The following LINGO1 variants were observed in gnomAD, a reference collection of about 807,000 sequenced individuals.
The protein encoded by LINGO1 is leucine rich repeat and Ig domain containing 1, also known as leucine-rich repeat and immunoglobulin-like domain-containing nogo receptor-interacting protein 1.
LINGO1 carries 11 observed loss-of-function variants against 37.3 expected under a neutral mutation model. The ratio of observed to expected loss-of-function variants is 0.29; its 90% CI spans 0.19 to 0.49. The LOEUF (loss-of-function observed/expected upper bound fraction) is 0.49. LINGO1 is among the 20% of genes least tolerant of loss of function. The probability of loss-of-function intolerance (pLI) is 0.99; values close to 1 mark genes in which losing one functional copy is unlikely to be tolerated. For synonymous variants in LINGO1, 387 were observed against 403.0 expected, an observed-to-expected ratio of 0.96 and a Z score of 0.48; for missense variants, 585 against 878.2, an observed-to-expected ratio of 0.67 and a Z score of 4.22.
chr15:77,771,202 T>A (rs2076581566), intron 1 of LINGO1, among the ~76,000 whole-genome samples: 1 of 152,190 alleles, frequency 6.6e-6, no homozygotes, highest in Admixed American at 6.5e-5. Context: ...TTCTAAGATA[T>A]CATGATCCTG....
chr15:77,796,501 A>AAG (rs1433807871), intron 1 of LINGO1, among the ~76,000 whole-genome samples: 1 of 152,156 alleles, frequency 6.6e-6, no homozygotes, highest in South Asian at 2.1e-4. Flanking sequence ...CTGGGAAGAT[A>AAG]AGAGAGAGAG....
chr15:77,640,047 A>C (rs545238186), intron 3 of LINGO1, among the ~76,000 whole-genome samples: 2 of 152,310 alleles, frequency 1.3e-5, no homozygotes, highest in African/African-American at 4.8e-5. Context: ...AGGCACACAG[A>C]ATCCAGGGAG....
chr15:77,793,726 G>C (rs904651499), intron 2 of LINGO1, among the ~76,000 whole-genome samples: 4 of 152,166 alleles, frequency 2.6e-5, no homozygotes, highest in African/African-American at 7.2e-5. Flanking sequence ...TTATAGAAGA[G>C]TATTTAATGA....
intron 3 of LINGO1, among the ~76,000 whole-genome samples, chr15:77,646,798 G>A (rs1341658786): frequency 6.6e-6 from 1 of 152,174 alleles, no homozygotes; most frequent in Admixed American, 6.5e-5. Context: ...CTTCTCAACT[G>A]TGCCCAGAAA....
intron 1 of LINGO1, among the ~76,000 whole-genome samples, chr15:77,776,958 C>T (rs1336517078): frequency 3.3e-5 from 5 of 152,216 alleles, no homozygotes; most frequent in African/African-American, 1.2e-4. Flanking sequence ...GCAGGCTAGA[C>T]CCAGAGCCTG....
intron 1 of LINGO1, among the ~76,000 whole-genome samples, chr15:77,758,837 A>G (rs565481477): frequency 6.8e-6 from 1 of 147,386 alleles, no homozygotes; most frequent in South Asian, 2.4e-4. Context: ...TGAGAGGATC[A>G]CCATTGTCGA....
intron 3 of LINGO1, among the ~76,000 whole-genome samples, chr15:77,656,504 C>T (rs958837690): frequency 1.3e-5 from 2 of 152,222 alleles, no homozygotes; most frequent in Non-Finnish European, 2.9e-5. Flanking sequence ...CCCGCAGCCG[C>T]CCTGCGCCCA....
chr15:77,627,258 TTTAACCAGCTCCAGGGGCCCAG>T (rs1434382072), intron 1 of LINGO1, among the ~76,000 whole-genome samples: 1 of 152,112 alleles, frequency 6.6e-6, no homozygotes, highest in Non-Finnish European at 1.5e-5. Context: ...GGTGCTCGTC[TTTAACCAGCTCCAGGGGCCCAG>T]GCCCAGGCAG....
intron 1 of LINGO1, among the ~76,000 whole-genome samples, chr15:77,817,071 C>A (rs374136687): frequency 6.6e-6 from 1 of 152,198 alleles, no homozygotes; most frequent in African/African-American, 2.4e-5. Context: ...GAGAGGCCGC[C>A]CGGGACGGGG....
In LINGO1 at chr15:77,652,521, TG is replaced by T. The variant is rs1237781769; in HGVS notation, c.-13+24567del. 9.8e-4 allele frequency among the ~76,000 whole-genome samples: 148 copies of T among 151,138 alleles called. 3 individuals are homozygous for T. The highest frequency in any genetic ancestry group is 3.4e-3 in the African/African-American group (140 of 41,114). ...GTGTGTGTGTGTGTGTGTGTGTGTG[TG>T]TGTGTGTGTTGCCAGAATACGGAAA... is the stretch of plus-strand genomic sequence containing the variant. On this transcript the variant is annotated intron_variant, in intron 3 of 3. Transcript: ENST00000559893.
intron 1 of LINGO1, among the ~76,000 whole-genome samples, chr15:77,806,060 T>C (rs1039329639): frequency 6.6e-6 from 1 of 152,074 alleles, no homozygotes; most frequent in Non-Finnish European, 1.5e-5. Flanking sequence ...CTATGGACTG[T>C]GAGTCCATCC....
chr15:77,621,581 G>GA (rs1189707322), intron 1 of LINGO1, among the ~76,000 whole-genome samples: 1 of 152,310 alleles, frequency 6.6e-6, no homozygotes, highest in African/African-American at 2.4e-5. Flanking sequence ...CCAGGGGAGG[G>GA]GCTGTCCTGT....
intron 1 of LINGO1, among the ~76,000 whole-genome samples, chr15:77,799,981 C>G (rs768159537): frequency 6.6e-6 from 1 of 152,020 alleles, no homozygotes; most frequent in Non-Finnish European, 1.5e-5. Flanking sequence ...CAGGTGGACT[C>G]CAGGAAGCTC....
rs1365809125 is a variant in LINGO1 at position 77,615,334 on chromosome 15, G to A, written c.573C>T (p.Asn191=). 1 of 1,613,778 alleles carries A rather than the reference G, an allele frequency of 6.2e-7. No individual in the cohort carries two copies. The highest frequency in any genetic ancestry group is 8.5e-7 in the Non-Finnish European group (1 of 1,179,900). ...TCTCCAGCGTCAGCTGCTCCAGGCT[G>A]TTGAGGCCGCTGAAGGCGCGGTGAG... ...YISHRAFSGL[N]SLEQLTLEKC... is the part of the protein sequence containing the mutation. The change falls in exon 2 of 2, where the codon AAC becomes AAT. Residue 191 remains asparagine, a synonymous_variant. Transcript: ENST00000355300.
chr15:77,621,879 C>G (rs1329732128), intron 1 of LINGO1, among the ~76,000 whole-genome samples: 2 of 152,192 alleles, frequency 1.3e-5, no homozygotes, highest in African/African-American at 2.4e-5. Flanking sequence ...TGCTCCCACT[C>G]AGCGTTCCTC....
chr15:77,762,415 T>C (rs1394725996), intron 1 of LINGO1, among the ~76,000 whole-genome samples: 4 of 152,058 alleles, frequency 2.6e-5, no homozygotes, highest in African/African-American at 7.2e-5. Context: ...CCTGACCACC[T>C]TCTTCCCTGG....
At chr15:77,676,665 G>A (rs575260777) in intron 3 of LINGO1, among the ~76,000 whole-genome samples, 75 of 152,302 alleles carry the variant, frequency 4.9e-4, no homozygotes, top group Middle Eastern at 3.4e-3. Context: ...GGGCAGCGGC[G>A]GTGAAAAGGC....
intron 1 of LINGO1, among the ~76,000 whole-genome samples, chr15:77,749,402 C>CTTAAT (rs2076348992): frequency 6.6e-6 from 1 of 152,234 alleles, no homozygotes; most frequent in African/African-American, 2.4e-5. Context: ...ATCTCCAGGC[C>CTTAAT]TTAAACCTGC....
At chr15:77,775,069 G>C (rs1478327477) in intron 1 of LINGO1, among the ~76,000 whole-genome samples, 1 of 152,244 alleles carries the variant, frequency 6.6e-6, no homozygotes, top group Non-Finnish European at 1.5e-5. Flanking sequence ...CCACAGGCCT[G>C]ATGCTCAGAC....
Sources: allele counts gnomAD v4.1 joint callset (sites outside exome capture counted in the v4.1 genomes callset), GRCh38; gene constraint gnomAD v4.1.1; transcripts MANE v1.5; gene names NCBI Gene and HGNC (gene_info 2026-07-23, HGNC 2026-07-21).